Variants in RIT2 observed in about 807,000 individuals in gnomAD.
RIT2 encodes Ras like without CAAX 2.
RIT2 carries 24 observed loss-of-function variants against 23.7 expected under a neutral mutation model. The observed-to-expected ratio is 1.01, with a 90% confidence interval of 0.73 to 1.43. RIT2 has a LOEUF of 1.43. Among genes scored for constraint, RIT2 ranks in the 40% most tolerant of loss-of-function variants. The pLI is 0.00. For missense variants in RIT2, 236 were observed against 266.9 expected (o/e 0.88, Z 0.81); for synonymous variants, 107 against 91.1 (o/e 1.17, Z -0.99).
intron 4 of RIT2, among the ~76,000 whole-genome samples, chr18:42,850,942 A>G (rs1907038396): frequency 6.6e-6 from 1 of 152,200 alleles, no homozygotes; most frequent in South Asian, 2.1e-4. Flanking sequence ...AACCTACTCT[A>G]TAATTCCCAG....
At chr18:43,054,097 T>C (rs1912445615) in intron 1 of RIT2, among the ~76,000 whole-genome samples, 1 of 152,080 alleles carries the variant, frequency 6.6e-6, no homozygotes, top group Admixed American at 6.6e-5. Context: ...ATCAGCTCTT[T>C]GTTGAAAGTT....
intron 4 of RIT2, among the ~76,000 whole-genome samples, chr18:42,884,116 T>C (rs1230833383): frequency 2.0e-5 from 3 of 152,224 alleles, no homozygotes; most frequent in Non-Finnish European, 2.9e-5. Context: ...GCCAGTCAAT[T>C]TGAAAACAGA....
chr18:42,946,139 C>T (rs75251687), intron 3 of RIT2, among the ~76,000 whole-genome samples: 6,220 of 151,842 alleles, frequency 0.041, 181 homozygotes, highest in South Asian at 0.067. Context: ...ATATGTAGAC[C>T]CTATGAAAAA....
chr18:43,043,413 G>A (rs1015297557), intron 1 of RIT2, among the ~76,000 whole-genome samples: 2 of 151,960 alleles, frequency 1.3e-5, no homozygotes, highest in Admixed American at 1.3e-4. Flanking sequence ...TAACACACAT[G>A]TACACTAAAT....
At chr18:42,766,891 T>C (rs889561621) in intron 4 of RIT2, among the ~76,000 whole-genome samples, 5 of 152,228 alleles carry the variant, frequency 3.3e-5, no homozygotes, top group African/African-American at 1.2e-4. Flanking sequence ...GTGGAAGCCC[T>C]GGGCTTTTGC....
chr18:43,053,232 G>A (rs914347675), intron 1 of RIT2, among the ~76,000 whole-genome samples: 8 of 151,988 alleles, frequency 5.3e-5, no homozygotes, highest in African/African-American at 1.9e-4. Flanking sequence ...GTAGGTTTGT[G>A]AGCAAGAACC....
intron 4 of RIT2, among the ~76,000 whole-genome samples, chr18:42,881,252 T>G (rs1008120447): frequency 2.6e-5 from 4 of 152,234 alleles, no homozygotes; most frequent in African/African-American, 9.6e-5. Context: ...TGTTGTCACT[T>G]GTTTTCCATA....
At chr18:42,791,984 GTTCT>G (rs1914053766) in intron 4 of RIT2, among the ~76,000 whole-genome samples, 1 of 152,138 alleles carries the variant, frequency 6.6e-6, no homozygotes, top group African/African-American at 2.4e-5. Flanking sequence ...AGAAAAATGT[GTTCT>G]TTTTTACTGG....
chr18:42,969,671 C>CAAAA, intron 3 of RIT2, among the ~76,000 whole-genome samples: 1 of 105,614 alleles, frequency 9.5e-6, no homozygotes, highest in East Asian at 2.7e-4. Context: ...GTTAGCATTT[C>CAAAA]AAAAAAAAAA....
chr18:43,112,756 A>G (rs1389012328), intron 1 of RIT2, among the ~76,000 whole-genome samples: 2 of 152,122 alleles, frequency 1.3e-5, no homozygotes, highest in Non-Finnish European at 2.9e-5. Flanking sequence ...GAAAAATAAA[A>G]AAGAATAAAT....
chr18:42,854,578 C>G (rs910571214), intron 4 of RIT2, among the ~76,000 whole-genome samples: 1 of 152,092 alleles, frequency 6.6e-6, no homozygotes, highest in African/African-American at 2.4e-5. Flanking sequence ...CTTAACTTGG[C>G]CTTTGGAACC....
Position 43,031,432 on chromosome 18 carries a change from G to GTAGAA in RIT2, c.160+2378_160+2379insTTCTA, listed in dbSNP as rs1462246133. ...AAGAGATTCCATTCTACCTGAGTCAGTGTAATAAAGAAGTCTCCTCTGCTT... is the reference window on the plus strand; with the variant it reads ...AAGAGATTCCATTCTACCTGAGTCAGTAGAATGTAATAAAGAAGTCTCCTCTGCTT... On this transcript the variant is annotated intron_variant, in intron 2 of 4. Coordinates refer to ENST00000326695, the MANE Select transcript of RIT2 (RefSeq NM_002930.4). Among the ~76,000 whole-genome samples the GTAGAA allele has an allele frequency of 2.6e-5, 4 of 151,840 alleles. No homozygotes were observed. The Admixed American group carries it at 2.6e-4, about 10-fold the overall frequency.
intron 3 of RIT2, among the ~76,000 whole-genome samples, chr18:42,925,684 T>C (rs1909162192): frequency 6.6e-6 from 1 of 151,718 alleles, no homozygotes; most frequent in South Asian, 2.1e-4. Context: ...TTAGTTTTCT[T>C]CTCACCTCAA....
rs573782627 is a variant in RIT2 at position 43,108,641 on chromosome 18, A to G, written c.103+6776T>C. Among the ~76,000 whole-genome samples, 3 of 152,320 alleles carry G rather than the reference A, an allele frequency of 2.0e-5. No homozygotes were observed. In the South Asian group the frequency reaches 6.2e-4, roughly 32 times the overall value. ...ACTCTCTTTCATCAATTTAAAATCT[A>G]CAGAGTGCATATAATCTTGGAGATG... On this transcript the variant is annotated intron_variant, in intron 1 of 4. Transcript: ENST00000326695.
chr18:43,094,868 T>A (rs529060718), intron 1 of RIT2, among the ~76,000 whole-genome samples: 3 of 151,224 alleles, frequency 2.0e-5, no homozygotes, highest in South Asian at 2.1e-4. Context: ...GCTTCATCCA[T>A]GTCCCTGCAA....
intron 4 of RIT2, among the ~76,000 whole-genome samples, chr18:42,862,513 G>A (rs1358479105): frequency 6.6e-6 from 1 of 152,126 alleles, no homozygotes; most frequent in African/African-American, 2.4e-5. Flanking sequence ...GACTGATGAA[G>A]CCAAACATAT....
chr18:42,935,834 G>T (rs964444559), intron 3 of RIT2, among the ~76,000 whole-genome samples: 1 of 152,086 alleles, frequency 6.6e-6, no homozygotes, highest in South Asian at 2.1e-4. Flanking sequence ...AAGTTTTCTG[G>T]AGTTTAAGTG....
At chr18:42,782,444 G>T (rs1041979009) in intron 4 of RIT2, among the ~76,000 whole-genome samples, 1 of 151,988 alleles carries the variant, frequency 6.6e-6, no homozygotes, top group Non-Finnish European at 1.5e-5. Flanking sequence ...AATATATGAT[G>T]TGTTCATTTA....
intron 4 of RIT2, among the ~76,000 whole-genome samples, chr18:42,884,518 T>A (rs1907972440): frequency 6.6e-6 from 1 of 152,222 alleles, no homozygotes; most frequent in Non-Finnish European, 1.5e-5. Context: ...CTGTTAGTTG[T>A]GTCATTCCAG....
Sources: allele counts gnomAD v4.1 joint callset (sites outside exome capture counted in the v4.1 genomes callset), GRCh38; gene constraint gnomAD v4.1.1; transcripts MANE v1.5; gene names NCBI Gene and HGNC (gene_info 2026-07-23, HGNC 2026-07-21).